The following RBM47 variants were observed in gnomAD, a reference collection of about 807,000 sequenced individuals.
The protein encoded by RBM47 is RNA binding motif protein 47, also known as RNA-binding protein 47.
RBM47 carries 21 observed loss-of-function variants against 47.1 expected under a neutral mutation model. The ratio of observed to expected loss-of-function variants is 0.45; its 90% CI spans 0.32 to 0.64. The LOEUF is 0.64. Ranked by LOEUF, RBM47 falls within the 30% of genes least tolerant of loss-of-function variation. The pLI, the probability that RBM47 is intolerant of heterozygous loss-of-function variation, is 0.05. For synonymous variants in RBM47, 375 were observed against 361.7 expected (o/e 1.04, Z -0.42); for missense variants, 708 against 870.9 (o/e 0.81, Z 2.35).
chr4:40,531,280 C>T (rs3114381), intron 2 of RBM47, among the ~76,000 whole-genome samples: 55,625 of 151,432 alleles, frequency 0.37, 12,468 homozygotes, highest in African/African-American at 0.64. Context: ...GGTCTGGCCA[C>T]AGACTAGCTG....
At position 40,491,727 on chromosome 4, in the gene RBM47, G is replaced by A. The variant is rs527380256; in HGVS notation, c.-154-25028C>T. ...CACACACTCTTTGGTCTCAGCTGCA[G>A]AAGCCAAATGACAAAGAGAACGTCA... On this transcript the variant is annotated intron_variant, in intron 2 of 6. Coordinates refer to ENST00000295971, the MANE Select transcript of RBM47 (RefSeq NM_001098634.2). 3.5e-5 allele frequency: 6 copies of A among 170,478 alleles called. No homozygotes were observed. The South Asian group carries it at 8.1e-4, about 23-fold the overall frequency. The allele number at this position is 170,478 out of a possible 1,614,324, so 10.6% of individuals were successfully genotyped here.
At position 40,628,050 on chromosome 4, in the gene RBM47, C is replaced by T. The variant is rs187819445; in HGVS notation, c.-240+1346G>A. 8.5e-5 allele frequency among the ~76,000 whole-genome samples: 13 copies of T among 152,250 alleles called. No individual in the cohort carries two copies. Among genetic ancestry groups the T allele is most frequent in the Admixed American group, 2.0e-4 (3 of 15,300 alleles). On this transcript the variant is annotated intron_variant, in intron 1 of 6. Coordinates refer to ENST00000295971, the MANE Select transcript of RBM47 (RefSeq NM_001098634.2). The surrounding 1 kb of genome is among the most constrained non-coding windows in gnomAD (Gnocchi z 4.0). ...ATGGCCTACCTAGCCAGGTAAAGGA[C>T]GGCACAGCTAGGCTTATTTCTTCAT...
intron 2 of RBM47, among the ~76,000 whole-genome samples, chr4:40,522,131 T>C (rs909856314): frequency 1.3e-5 from 2 of 152,216 alleles, no homozygotes; most frequent in Non-Finnish European, 2.9e-5. Context: ...AAGTTCAAGA[T>C]GGGCCAACCA....
intron 1 of RBM47, among the ~76,000 whole-genome samples, chr4:40,578,983 G>T (rs899617482): frequency 2.0e-5 from 3 of 152,106 alleles, no homozygotes; most frequent in Non-Finnish European, 4.4e-5. Context: ...GCCAGACATG[G>T]TGGCGTGCAC....
intron 1 of RBM47, among the ~76,000 whole-genome samples, chr4:40,582,681 G>C (rs1733068766): frequency 1.3e-5 from 2 of 152,138 alleles, no homozygotes; most frequent in Admixed American, 1.3e-4. Flanking sequence ...ATACAAACTT[G>C]TCACGTTTCC....
In RBM47 at chr4:40,569,016, TAGACAGAC is replaced by T. The variant is rs398063481; in HGVS notation, c.-239-24518_-239-24511del. On this transcript the variant is annotated intron_variant, in intron 1 of 6. Coordinates refer to ENST00000295971, the MANE Select transcript of RBM47 (RefSeq NM_001098634.2). The stretch of plus-strand genomic sequence containing the variant: ...ATAGATAGATAGATAGATAGATAGA[TAGACAGAC>T]AGACAGACAGACAGACAGACAGACA... 9.9e-4 allele frequency among the ~76,000 whole-genome samples: 98 copies of T among 98,900 alleles called. 1 individual carries two copies. Among genetic ancestry groups the T allele is most frequent in the South Asian group, 7.9e-3 (24 of 3,048 alleles). 64.9% of individuals were successfully genotyped at this position (98,900 alleles called of 152,430 possible).
chr4:40,438,043 G>T lies in RBM47; in HGVS notation c.851C>A (p.Ala284Asp). Residue 284 changes from alanine (A) to aspartate (D), a missense_variant, in exon 4 of 7, where the codon GCC becomes GAC. By Grantham distance (126) the Ala-to-Asp change is moderately radical. Coordinates refer to ENST00000295971, the MANE Select transcript of RBM47 (RefSeq NM_001098634.2). ...VERVKKIRDYAFVHFTSREDA... is the reference protein window; with the variant it reads ...VERVKKIRDYDFVHFTSREDA... ...CTCGCGGCTGGTGAAGTGCACGAAG[G>T]CGTAGTCGCGGATCTTCTTGACGCG... The T allele has an allele frequency of 6.2e-7, 1 of 1,613,758 alleles. No homozygotes were observed.
chr4:40,560,737 C>A (rs1299222570), intron 1 of RBM47, among the ~76,000 whole-genome samples: 1 of 152,128 alleles, frequency 6.6e-6, no homozygotes, highest in Admixed American at 6.5e-5. Flanking sequence ...GAGGCCAAGG[C>A]AGGTGGATTA....
chr4:40,548,091 A>G (rs753501725), intron 1 of RBM47, among the ~76,000 whole-genome samples: 13 of 152,244 alleles, frequency 8.5e-5, no homozygotes, highest in Non-Finnish European at 1.6e-4. Context: ...ATTATAAAAC[A>G]ACGTGACACC....
chr4:40,523,553 A>G (rs1448095279), intron 2 of RBM47, among the ~76,000 whole-genome samples: 1 of 152,018 alleles, frequency 6.6e-6, no homozygotes, highest in Non-Finnish European at 1.5e-5. Context: ...CGGGAGACTG[A>G]GGCAGGAGAA....
chr4:40,464,003 C>T (rs1717572693), intron 3 of RBM47, among the ~76,000 whole-genome samples: 1 of 151,910 alleles, frequency 6.6e-6, no homozygotes, highest in African/African-American at 2.4e-5. Flanking sequence ...CTCATTAGCC[C>T]AATGATTCCA....
rs1714733968 is a variant in RBM47 at position 40,424,259 on chromosome 4, G to GC, written c.*1644dup. ...TGGATCTCTAACATGACATAAAAAC[G>GC]CAACTGCGTTTTACTTGCTACCTTA... On this transcript the variant is annotated 3_prime_UTR_variant, in exon 7 of 7. Coordinates refer to ENST00000295971, the MANE Select transcript of RBM47 (RefSeq NM_001098634.2). The GC allele has an allele frequency of 6.6e-6, 1 of 152,554 alleles. No individual in the cohort carries two copies. The highest frequency in any genetic ancestry group is 2.1e-4 in the South Asian group (1 of 4,834). The allele number at this position is 152,554 out of a possible 1,614,324, so 9.5% of individuals were successfully genotyped here. A position where few individuals can be genotyped will look rare whatever the true frequency, so the allele number is the denominator to read the frequency against.
chr4:40,509,620 G>A (rs1272239020), intron 2 of RBM47, among the ~76,000 whole-genome samples: 1 of 152,108 alleles, frequency 6.6e-6, no homozygotes, highest in Non-Finnish European at 1.5e-5. Context: ...GGTGGCTTAC[G>A]CCTGTAATCC....
intron 1 of RBM47, among the ~76,000 whole-genome samples, chr4:40,625,951 T>C (rs1737699087): frequency 6.6e-6 from 1 of 152,182 alleles, no homozygotes; most frequent in African/African-American, 2.4e-5. Flanking sequence ...GAAATGGCCT[T>C]CAGAAAAGCA....
chr4:40,427,920 G>A (rs1278521842), intron 6 of RBM47, among the ~76,000 whole-genome samples: 1 of 152,058 alleles, frequency 6.6e-6, no homozygotes, highest in Non-Finnish European at 1.5e-5. Context: ...GCTGGGTGAG[G>A]TGGCTCATGC....
chr4:40,509,745 G>C (rs961207821), intron 2 of RBM47, among the ~76,000 whole-genome samples: 13 of 141,630 alleles, frequency 9.2e-5, no homozygotes, highest in African/African-American at 3.2e-4. Flanking sequence ...AATTCTCCAG[G>C]CGTGGTGGCG....
chr4:40,569,595 A>G (rs976748934), intron 1 of RBM47, among the ~76,000 whole-genome samples: 4 of 150,024 alleles, frequency 2.7e-5, no homozygotes, highest in East Asian at 2.0e-4. Flanking sequence ...ATTTTTAGTA[A>G]AGATGGGGTT....
intron 2 of RBM47, among the ~76,000 whole-genome samples, chr4:40,528,406 A>T (rs1436614125): frequency 4.3e-5 from 6 of 139,734 alleles, no homozygotes; most frequent in South Asian, 4.4e-4. Context: ...AGGCTTTTTT[A>T]AAAAAAAAAC....
intron 1 of RBM47, among the ~76,000 whole-genome samples, chr4:40,579,852 A>G (rs1217226156): frequency 6.6e-6 from 1 of 151,778 alleles, no homozygotes; most frequent in Non-Finnish European, 1.5e-5. Flanking sequence ...GGCTCAAGGG[A>G]TCCTCCTACC....
Sources: allele counts gnomAD v4.1 joint callset (sites outside exome capture counted in the v4.1 genomes callset), GRCh38; gene constraint gnomAD v4.1.1; non-coding constraint Gnocchi (gnomAD v3.1); transcripts MANE v1.5; gene names NCBI Gene and HGNC (gene_info 2026-07-23, HGNC 2026-07-21).